The following ELMO1 variants were observed in gnomAD, a reference collection of about 807,000 sequenced individuals.
ELMO1 encodes the protein engulfment and cell motility protein 1.
Under a neutral mutation model 98.9 loss-of-function variants are expected in ELMO1, and 26 were observed. That is an observed-to-expected ratio of 0.26 (90% CI 0.19 to 0.36). The LOEUF is 0.36. ELMO1 is among the 10% of genes least tolerant of loss of function. ELMO1 has a pLI of 1.00. For synonymous variants in ELMO1, 346 were observed against 346.0 expected (o/e 1.00, Z 0.00); for missense variants, 627 against 935.2 (o/e 0.67, Z 4.30).
intron 13 of ELMO1, among the ~76,000 whole-genome samples, chr7:37,187,721 GGCC>G (rs1791301042): frequency 1.3e-5 from 2 of 152,078 alleles, no homozygotes; most frequent in African/African-American, 4.8e-5. Flanking sequence ...GTATATACAA[GGCC>G]GCAGGTGCAC....
At chr7:36,978,420 TG>T (rs1410496624) in intron 16 of ELMO1, among the ~76,000 whole-genome samples, 1 of 151,796 alleles carries the variant, frequency 6.6e-6, no homozygotes, top group East Asian at 1.9e-4. Context: ...GAATACATCA[TG>T]GGTATGAAGT....
chr7:37,448,526 G>T (rs1453548449), intron 1 of ELMO1, 149 bp downstream of exon 1: 6 of 152,008 alleles, frequency 3.9e-5, no homozygotes, highest in Non-Finnish European at 8.8e-5. Context: ...GAGCCGCGGC[G>T]CCCCCAGGGA....
intron 4 of ELMO1, among the ~76,000 whole-genome samples, chr7:37,284,996 C>T (rs181296356): frequency 6.6e-6 from 1 of 152,318 alleles, no homozygotes; most frequent in East Asian, 1.9e-4. Context: ...CTCCTGCACC[C>T]GGGCTCTGCT....
intron 5 of ELMO1, chr7:37,269,356 C>G (rs911092358): frequency 3.9e-5 from 6 of 151,988 alleles, no homozygotes; most frequent in African/African-American, 7.2e-5. Context: ...TTTCAAACTT[C>G]CACAGCTGAT....
intron 19 of ELMO1, among the ~76,000 whole-genome samples, chr7:36,874,273 A>T (rs1562787721): frequency 6.6e-6 from 1 of 152,234 alleles, no homozygotes; most frequent in Non-Finnish European, 1.5e-5. Flanking sequence ...GGCAGTACAC[A>T]GTAGTGGGTG....
At position 37,234,291 on chromosome 7, in the gene ELMO1, T is replaced by C. The variant is rs112153496; in HGVS notation, c.450-1097A>G. 3.9e-5 allele frequency among the ~76,000 whole-genome samples: 6 copies of C among 152,308 alleles called. 2 individuals are homozygous for C. The highest frequency in any genetic ancestry group is 1.4e-4 in the African/African-American group (6 of 41,570). On this transcript the variant is annotated intron_variant, in intron 7 of 21. Coordinates refer to ENST00000310758, the MANE Select transcript of ELMO1 (RefSeq NM_014800.11). ...ATTATTGATATCCTACAAAGTCTCC[T>C]AACATATTTAGATTGAACCTTCCAA...
At chr7:37,021,387 A>T (rs1794257331) in intron 15 of ELMO1, among the ~76,000 whole-genome samples, 1 of 152,220 alleles carries the variant, frequency 6.6e-6, no homozygotes, top group Admixed American at 6.5e-5. Flanking sequence ...CATGAAATTT[A>T]TTCAATGCTT....
chr7:37,386,790 C>T (rs776473940), intron 1 of ELMO1, among the ~76,000 whole-genome samples: 4 of 152,182 alleles, frequency 2.6e-5, no homozygotes, highest in South Asian at 2.1e-4. Flanking sequence ...CATCCCCTGC[C>T]GAATTTTGGT....
At chr7:37,020,006 TG>T (rs1794174600) in intron 15 of ELMO1, among the ~76,000 whole-genome samples, 1 of 152,190 alleles carries the variant, frequency 6.6e-6, no homozygotes, top group African/African-American at 2.4e-5. Context: ...TATTTTTCAC[TG>T]GGTAATGTGT....
chr7:37,087,571 T>C (rs2129243712), intron 15 of ELMO1, among the ~76,000 whole-genome samples: 1 of 152,328 alleles, frequency 6.6e-6, no homozygotes, highest in South Asian at 2.1e-4. Flanking sequence ...ATTGAGCTTA[T>C]TCATGTGAGA....
At chr7:37,006,330 G>C (rs902215658) in intron 16 of ELMO1, among the ~76,000 whole-genome samples, 3 of 152,178 alleles carry the variant, frequency 2.0e-5, no homozygotes, top group Non-Finnish European at 4.4e-5. Context: ...ATTTGTATAG[G>C]ACAATTTGCA....
At chr7:37,354,028 C>A (rs1280447574) in intron 1 of ELMO1, among the ~76,000 whole-genome samples, 2 of 152,220 alleles carry the variant, frequency 1.3e-5, no homozygotes. Flanking sequence ...TCTTAAAGAT[C>A]TCCCTGACCT....
intron 1 of ELMO1, among the ~76,000 whole-genome samples, chr7:37,420,356 C>A (rs770316113): frequency 1.3e-5 from 2 of 152,200 alleles, no homozygotes; most frequent in Admixed American, 1.3e-4. Flanking sequence ...GCTAAGAAAC[C>A]GTAATCTTCA....
intron 13 of ELMO1, among the ~76,000 whole-genome samples, chr7:37,161,605 T>C (rs1392793856): frequency 1.3e-5 from 2 of 152,038 alleles, no homozygotes; most frequent in African/African-American, 4.8e-5. Flanking sequence ...TTTCTTGTTT[T>C]CCACTCATTT....
chr7:37,169,898 A>C (rs1055816722), intron 13 of ELMO1, among the ~76,000 whole-genome samples: 3 of 152,116 alleles, frequency 2.0e-5, no homozygotes, highest in African/African-American at 7.2e-5. Flanking sequence ...ATTAACTCTA[A>C]AATGCACATT....
chr7:37,169,248 C>T (rs1185206932), intron 13 of ELMO1, among the ~76,000 whole-genome samples: 6 of 152,216 alleles, frequency 3.9e-5, no homozygotes, highest in Admixed American at 3.9e-4. Flanking sequence ...TCTGTCACCC[C>T]TTTCTTTGAC....
At chr7:36,856,104 G>A (rs1312719116) in intron 21 of ELMO1, among the ~76,000 whole-genome samples, 2 of 152,204 alleles carry the variant, frequency 1.3e-5, no homozygotes, top group African/African-American at 2.4e-5. Flanking sequence ...ACACCTAGGT[G>A]GGAGTCTATG....
chr7:37,187,162 T>C (rs185713331), intron 13 of ELMO1, among the ~76,000 whole-genome samples: 58 of 152,270 alleles, frequency 3.8e-4, no homozygotes, highest in African/African-American at 1.3e-3. Flanking sequence ...TGAGACTACA[T>C]AGATGAAACT....
intron 1 of ELMO1, among the ~76,000 whole-genome samples, chr7:37,427,230 C>T (rs980490589): frequency 9.9e-5 from 15 of 152,196 alleles, no homozygotes; most frequent in Middle Eastern, 3.2e-3. Context: ...TTCCAGAATA[C>T]AGTGACATCT....
Sources: gnomAD v4.1 joint callset for allele counts (sites outside exome capture counted in the v4.1 genomes callset) on GRCh38, gnomAD v4.1.1 for gene constraint, MANE v1.5 for transcripts, NCBI Gene and HGNC (gene_info 2026-07-23, HGNC 2026-07-21) for gene names.